The following IBTK variants were observed in gnomAD, a reference collection of about 807,000 sequenced individuals.
The protein encoded by IBTK is inhibitor of Bruton tyrosine kinase.
IBTK carries 83 observed loss-of-function variants against 154.9 expected under a neutral mutation model. The ratio of observed to expected loss-of-function variants is 0.54; its 90% CI spans 0.45 to 0.64. The LOEUF (loss-of-function observed/expected upper bound fraction) is 0.64, where lower values mean the gene tolerates loss of function less well. IBTK is among the 30% of genes least tolerant of loss of function. The pLI is 0.00. For missense variants in IBTK, 1,332 were observed against 1,584.6 expected (o/e 0.84, Z 2.71); for synonymous variants, 515 against 536.1 (o/e 0.96, Z 0.54).
At chr6:82,194,951 A>G (rs1768925074) in intron 22 of IBTK, among the ~76,000 whole-genome samples, 1 of 152,218 alleles carries the variant, frequency 6.6e-6, no homozygotes, top group East Asian at 1.9e-4. Flanking sequence ...TAAGACATGA[A>G]GCAGTAATTT....
intron 26 of IBTK, among the ~76,000 whole-genome samples, chr6:82,181,027 T>C (rs1768300748): frequency 6.6e-6 from 1 of 152,232 alleles, no homozygotes; most frequent in Non-Finnish European, 1.5e-5. Context: ...AGATAGATTT[T>C]GATGTTTCAT....
chr6:82,239,589 G>A (rs1390857486), intron 2 of IBTK, among the ~76,000 whole-genome samples: 1 of 136,708 alleles, frequency 7.3e-6, no homozygotes, highest in East Asian at 2.1e-4. Context: ...TTATCCATAA[G>A]TAAACACACA....
intron 16 of IBTK, among the ~76,000 whole-genome samples, chr6:82,207,189 T>G (rs1208047548): frequency 6.6e-6 from 1 of 152,092 alleles, no homozygotes; most frequent in Non-Finnish European, 1.5e-5. Flanking sequence ...TAGAAAATCC[T>G]AAGGAATCCA....
At chr6:82,193,693 T>C (rs192718066) in intron 23 of IBTK, among the ~76,000 whole-genome samples, 9 of 152,266 alleles carry the variant, frequency 5.9e-5, no homozygotes, top group African/African-American at 2.2e-4. Flanking sequence ...TTCTTTTTCT[T>C]TTTTTTGAGA....
At chr6:82,192,198 T>C (rs759755969) in intron 23 of IBTK, among the ~76,000 whole-genome samples, 1 of 152,050 alleles carries the variant, frequency 6.6e-6, no homozygotes, top group Non-Finnish European at 1.5e-5. Context: ...TTAAAAAAAG[T>C]GAAGCAATAG....
chr6:82,235,103 C>T lies in IBTK; in HGVS notation c.322-848G>A, dbSNP rs189896402. On this transcript the variant is annotated intron_variant, in intron 2 of 28. Transcript: ENST00000306270. ...CTCGGACTCCTGACCTCGTGATCAG[C>T]CCGCCTCAGCCTCCCAAAGTGCTGG... Among the ~76,000 whole-genome samples the T allele has an allele frequency of 2.3e-3, 355 of 152,168 alleles. 5 individuals are homozygous for T. Among genetic ancestry groups the T allele is most frequent in the Non-Finnish European group, 1.0e-3 (71 of 68,008 alleles).
At chr6:82,185,828 A>G (rs769568154) in intron 25 of IBTK, among the ~76,000 whole-genome samples, 4 of 152,184 alleles carry the variant, frequency 2.6e-5, no homozygotes, top group Admixed American at 6.5e-5. Context: ...CAACAATTTA[A>G]TAACAGTAAT....
At chr6:82,174,453 G>A (rs1489140267) in intron 26 of IBTK, among the ~76,000 whole-genome samples, 1 of 152,068 alleles carries the variant, frequency 6.6e-6, no homozygotes, top group Admixed American at 6.6e-5. Flanking sequence ...TTAAAGCTGA[G>A]GAGACGTACA....
chr6:82,194,521 A>G lies in IBTK; in HGVS notation c.3296T>C (p.Ile1099Thr). The change falls in exon 23 of 29, where the codon ATT (isoleucine) becomes ACT (threonine). Residue 1099 changes from isoleucine (I) to threonine (T), a missense_variant. Coordinates refer to ENST00000306270, the MANE Select transcript of IBTK (RefSeq NM_015525.4). ...CCAACTGGCAGAGCTGGTAGTATCA[A>G]TTCTGTTACTGGGAATAGGCTGTGG... ...SAPQPIPSNR[I>T]DTTSSASWVA... 6.2e-7 allele frequency: 1 copy of G among 1,604,338 alleles called. No homozygotes were observed.
intron 12 of IBTK, among the ~76,000 whole-genome samples, chr6:82,213,325 G>A (rs1309593709): frequency 2.0e-5 from 3 of 151,952 alleles, no homozygotes; most frequent in African/African-American, 7.3e-5. Context: ...CACCGCGCCC[G>A]GCCCCTTCAT....
intron 26 of IBTK, among the ~76,000 whole-genome samples, chr6:82,177,297 C>G (rs974544745): frequency 2.6e-5 from 4 of 152,168 alleles, no homozygotes; most frequent in Admixed American, 2.6e-4. Context: ...GCAACTTCCA[C>G]CTCCTGGGTT....
intron 26 of IBTK, among the ~76,000 whole-genome samples, chr6:82,181,040 A>G (rs1031296416): frequency 6.6e-6 from 1 of 152,208 alleles, no homozygotes; most frequent in Non-Finnish European, 1.5e-5. Context: ...TGTTTCATGT[A>G]GGCATTTAAA....
chr6:82,186,867 A>G (rs2127801148), intron 25 of IBTK, among the ~76,000 whole-genome samples: 1 of 152,144 alleles, frequency 6.6e-6, no homozygotes, highest in South Asian at 2.1e-4. Flanking sequence ...GTTTTCATAA[A>G]ATAAATGTAT....
intron 26 of IBTK, among the ~76,000 whole-genome samples, chr6:82,174,339 A>G (rs1278441278): frequency 6.6e-6 from 1 of 152,178 alleles, no homozygotes; most frequent in African/African-American, 2.4e-5. Context: ...TTAAAAATAT[A>G]CTTAAGCAAT....
chr6:82,199,710 C>T (rs1055854256), intron 21 of IBTK, among the ~76,000 whole-genome samples: 4 of 152,132 alleles, frequency 2.6e-5, no homozygotes, highest in Admixed American at 2.0e-4. Context: ...AACAGCCACC[C>T]ATAGCCTTTA....
In IBTK at chr6:82,224,110, T is replaced by C; in HGVS notation, c.901A>G (p.Arg301Gly). 1 of 1,612,772 alleles carries C rather than the reference T, an allele frequency of 6.2e-7. No individual in the cohort carries two copies. The highest frequency in any genetic ancestry group is 8.5e-7 in the Non-Finnish European group (1 of 1,178,848). Reference protein sequence around the residue: ...AGRFHTVLWTREAVYTMGLNG... With the variant: ...AGRFHTVLWTGEAVYTMGLNG... ...AGTCCCATAGTGTAAACAGCTTCTC[T>C]AGTCCATAGGACTGTATGAAACCTG... Residue 301 changes from arginine to glycine, a missense_variant, in exon 7 of 29, where the codon AGA becomes GGA. By Grantham distance (125) the Arg-to-Gly change is moderately radical (BLOSUM62 -2). Coordinates refer to ENST00000306270, the MANE Select transcript of IBTK (RefSeq NM_015525.4).
intron 1 of IBTK, among the ~76,000 whole-genome samples, chr6:82,246,920 G>C (rs889770161): frequency 2.0e-5 from 3 of 152,144 alleles, no homozygotes; most frequent in Non-Finnish European, 4.4e-5. Context: ...GGCTAACACA[G>C]TCAAGTTTTA....
At chr6:82,197,130 C>A (rs1282724973) in intron 21 of IBTK, among the ~76,000 whole-genome samples, 1 of 152,164 alleles carries the variant, frequency 6.6e-6, no homozygotes, top group Non-Finnish European at 1.5e-5. Flanking sequence ...TTCACATGTC[C>A]ATTTCCACAC....
At chr6:82,199,811 A>G (rs375447166) in intron 21 of IBTK, among the ~76,000 whole-genome samples, 170 of 152,332 alleles carry the variant, frequency 1.1e-3, no homozygotes, top group African/African-American at 3.9e-3. Flanking sequence ...TATATGCACA[A>G]GAAATGTGCA....
Sources: gnomAD v4.1 joint callset for allele counts (sites outside exome capture counted in the v4.1 genomes callset) on GRCh38, gnomAD v4.1.1 for gene constraint, MANE v1.5 for transcripts, NCBI Gene and HGNC (gene_info 2026-07-23, HGNC 2026-07-21) for gene names.